Variants in B3GALT4 observed in about 807,000 individuals in gnomAD.
B3GALT4 encodes the protein beta-1,3-galactosyltransferase 4, also known as UDP-Gal:betaGlcNAc beta 1,3-galactosyltransferase 4.
In B3GALT4, 1 loss-of-function variant was observed where a neutral mutation model predicts 1.6. The ratio of observed to expected loss-of-function variants is 0.64; its 90% CI spans 0.23 to 3.05. The LOEUF (loss-of-function observed/expected upper bound fraction) is 3.05. B3GALT4 is among the 30% of genes most tolerant of loss of function. The pLI is 0.21. For synonymous variants in B3GALT4, 259 were observed against 222.6 expected (o/e 1.16, Z -1.46); for missense variants, 441 against 486.9 (o/e 0.91, Z 0.89).
chr6:33,277,785 T>C lies in B3GALT4; in HGVS notation c.366T>C (p.Gly122=). 6.2e-7 allele frequency: 1 copy of C among 1,613,598 alleles called. No homozygotes were observed. The highest frequency in any genetic ancestry group is 8.5e-7 in the Non-Finnish European group (1 of 1,179,980). The change falls in exon 1 of 1, where the codon GGT becomes GGC. Residue 122 remains glycine, a synonymous_variant. Coordinates refer to ENST00000451237, the MANE Select transcript of B3GALT4 (RefSeq NM_003782.4). This position sits in a 1 kb window ranked among gnomAD's most constrained non-coding sequence, Gnocchi z 5.3. ...GEPNAQHPVW[G]SQGSDLASES... ...CGAACGCACAGCACCCCGTGTGGGG[T>C]TCCCAGGGGAGTGACCTGGCCTCGG...
chr6:33,277,749 G>A lies in B3GALT4; in HGVS notation c.330G>A (p.Leu110=). 6.2e-7 allele frequency: 1 copy of A among 1,613,728 alleles called. No individual in the cohort carries two copies. The highest frequency in any genetic ancestry group is 8.5e-7 in the Non-Finnish European group (1 of 1,179,998). The change falls in exon 1 of 1, where the codon TTG becomes TTA. Residue 110 remains leucine, a synonymous_variant. Coordinates refer to ENST00000451237, the MANE Select transcript of B3GALT4 (RefSeq NM_003782.4). The surrounding 1 kb of genome is among the most constrained non-coding windows in gnomAD (Gnocchi z 5.3). The part of the protein sequence containing the change: ...ARGLRVQTLF[L]LGEPNAQHPV... ...GGCTCAGGGTACAGACGCTATTCTT[G>A]CTGGGAGAGCCGAACGCACAGCACC... is the stretch of plus-strand genomic sequence containing the variant.
chr6:33,277,183 G>A lies in B3GALT4; in HGVS notation c.-237G>A. On this transcript the variant is annotated 5_prime_UTR_variant, in exon 1 of 1. Coordinates refer to ENST00000451237, the MANE Select transcript of B3GALT4 (RefSeq NM_003782.4). The surrounding 1 kb of genome is among the most constrained non-coding windows in gnomAD (Gnocchi z 5.3). ...TGAGTGCCGCAGTCGGCCAGCCATG[G>A]AGCGGAGCTTGCTGGCGGCGAGGCC... 5.1e-6 allele frequency: 3 copies of A among 582,722 alleles called. No individual in the cohort carries two copies. Among genetic ancestry groups the A allele is most frequent in the East Asian group, 7.0e-5 (2 of 28,602 alleles). The allele number at this position is 582,722 out of a possible 1,614,324, so 36.1% of individuals were successfully genotyped here.
Position 33,278,818 on chromosome 6 carries a change from T to TCCAC in B3GALT4, c.*263_*266dup, listed in dbSNP as rs1765858866. The TCCAC allele has an allele frequency of 1.8e-6, 1 of 554,930 alleles. No homozygotes were observed. Among genetic ancestry groups the TCCAC allele is most frequent in the African/African-American group, 2.0e-5 (1 of 51,158 alleles). The allele number at this position is 554,930 out of a possible 1,614,324, so 34.4% of individuals were successfully genotyped here. ...TGTCAAGCTCCTCAATAAACTTGTC[T>TCCAC]CCACTTCTTCGAGTGCAGTGTGGTC... On this transcript the variant is annotated 3_prime_UTR_variant, in exon 1 of 1. Transcript: ENST00000451237. The surrounding 1 kb of genome is among the most constrained non-coding windows in gnomAD (Gnocchi z 5.2).
In B3GALT4 at chr6:33,278,024, G is replaced by C; in HGVS notation, c.605G>C (p.Ser202Thr). 6.2e-7 allele frequency: 1 copy of C among 1,614,096 alleles called. No homozygotes were observed. Among genetic ancestry groups the C allele is most frequent in the Non-Finnish European group, 8.5e-7 (1 of 1,179,968 alleles). Residue 202 changes from serine to threonine, a missense_variant, in exon 1 of 1, where the codon AGC (serine) becomes ACC (threonine). Transcript: ENST00000451237. This position sits in a 1 kb window ranked among gnomAD's most constrained non-coding sequence, Gnocchi z 5.2. Reference protein sequence around the residue: ...RGGRWGQWERSTEPQREAEQE... With the variant: ...RGGRWGQWERTTEPQREAEQE... ...GGCCGTTGGGGGCAATGGGAGAGAA[G>C]CACGGAACCCCAGAGAGAGGCTGAG...
chr6:33,278,818 T>C lies in B3GALT4; in HGVS notation c.*262T>C. 1.8e-6 allele frequency: 1 copy of C among 555,054 alleles called. No homozygotes were observed. Among genetic ancestry groups the C allele is most frequent in the Non-Finnish European group, 3.0e-6 (1 of 336,798 alleles). The allele number at this position is 555,054 out of a possible 1,614,324, so 34.4% of individuals were successfully genotyped here. On this transcript the variant is annotated 3_prime_UTR_variant, in exon 1 of 1. Coordinates refer to ENST00000451237, the MANE Select transcript of B3GALT4 (RefSeq NM_003782.4). The surrounding 1 kb of genome is among the most constrained non-coding windows in gnomAD (Gnocchi z 5.2). Reference sequence around the variant, plus strand: ...TGTCAAGCTCCTCAATAAACTTGTCTCCACTTCTTCGAGTGCAGTGTGGTC... The same window carrying C: ...TGTCAAGCTCCTCAATAAACTTGTCCCCACTTCTTCGAGTGCAGTGTGGTC...
At position 33,278,226 on chromosome 6, in the gene B3GALT4, GTC is replaced by G; in HGVS notation, c.808_809del (p.Ala271ValfsTer79). On this transcript the variant is annotated frameshift_variant, in exon 1 of 1. Coordinates refer to ENST00000451237, the MANE Select transcript of B3GALT4 (RefSeq NM_003782.4). LOFTEE classifies it low-confidence loss of function (END_TRUNC). The surrounding 1 kb of genome is among the most constrained non-coding windows in gnomAD (Gnocchi z 5.2). ...ATGCCTCAGGCACGGGGTATGTGCT[GTC>G]AGCGTCTGCTGTGCAGCTCATTCTC... ...PYASGTGYVL[S>X]ASAVQLILKV... 6.2e-7 allele frequency: 1 copy of G among 1,612,404 alleles called. No individual in the cohort carries two copies. The highest frequency in any genetic ancestry group is 8.5e-7 in the Non-Finnish European group (1 of 1,180,012).
rs752226336 is a variant in B3GALT4 at position 33,278,226 on chromosome 6, G to A, written c.807G>A (p.Leu269=). 15 of 1,612,286 alleles carry A rather than the reference G, an allele frequency of 9.3e-6. No homozygotes were observed. In the Admixed American group the frequency reaches 2.2e-4, roughly 23 times the overall value. The change falls in exon 1 of 1, where the codon CTG becomes CTA. Residue 269 remains leucine, a synonymous_variant. Coordinates refer to ENST00000451237, the MANE Select transcript of B3GALT4 (RefSeq NM_003782.4). The surrounding 1 kb of genome is among the most constrained non-coding windows in gnomAD (Gnocchi z 5.2). The part of the protein sequence containing the change: ...PPYASGTGYV[L]SASAVQLILK... Reference sequence around the variant, plus strand: ...ATGCCTCAGGCACGGGGTATGTGCTGTCAGCGTCTGCTGTGCAGCTCATTC... The same window carrying A: ...ATGCCTCAGGCACGGGGTATGTGCTATCAGCGTCTGCTGTGCAGCTCATTC...
rs981724603 is a variant in B3GALT4, at chr6:33,278,615, C to G, written c.*59C>G. The G allele has an allele frequency of 8.1e-5, 122 of 1,501,236 alleles. No homozygotes were observed. Among genetic ancestry groups the G allele is most frequent in the Non-Finnish European group, 1.0e-4 (115 of 1,125,074 alleles). The allele number at this position is 1,501,236 out of a possible 1,614,324, so 93.0% of individuals were successfully genotyped here. A position where few individuals can be genotyped will look rare whatever the true frequency, so the allele number is the denominator to read the frequency against. ...GACCTTCTCTCTCCCAGGCCCAACG[C>G]AGGGGCCCTCACTGGCTGCAGCTGA... On this transcript the variant is annotated 3_prime_UTR_variant, in exon 1 of 1. Coordinates refer to ENST00000451237, the MANE Select transcript of B3GALT4 (RefSeq NM_003782.4). This position sits in a 1 kb window ranked among gnomAD's most constrained non-coding sequence, Gnocchi z 5.2.
Position 33,277,619 on chromosome 6 carries a change from C to T in B3GALT4, c.200C>T (p.Pro67Leu). 6.2e-7 allele frequency: 1 copy of T among 1,613,280 alleles called. No individual in the cohort carries two copies. Residue 67 changes from proline to leucine, a missense_variant, in exon 1 of 1, where the codon CCC becomes CTC. Transcript: ENST00000451237. This position sits in a 1 kb window ranked among gnomAD's most constrained non-coding sequence, Gnocchi z 5.3. ...CCCAACCAGGAAGCTTGCAGTGGTC[C>T]CGGGGCCCCTCCCTTCCTGCTCATC... The part of the protein sequence containing the change: ...LIPNQEACSG[P>L]GAPPFLLILV...
Position 33,278,204 on chromosome 6 carries a change from C to T in B3GALT4, c.785C>T (p.Ala262Val). The T allele has an allele frequency of 6.2e-7, 1 of 1,612,256 alleles. No homozygotes were observed. Among genetic ancestry groups the T allele is most frequent in the Non-Finnish European group, 8.5e-7 (1 of 1,179,982 alleles). The change falls in exon 1 of 1, where the codon GCC becomes GTC. Residue 262 changes from alanine to valine, a missense_variant. Ala to Val is a moderately conservative substitution (Grantham distance 64). Coordinates refer to ENST00000451237, the MANE Select transcript of B3GALT4 (RefSeq NM_003782.4). The surrounding 1 kb of genome is among the most constrained non-coding windows in gnomAD (Gnocchi z 5.2). ...PHTWGPFPPY[A>V]SGTGYVLSAS... is the part of the protein sequence containing the mutation. ...ACCTGGGGCCCCTTTCCACCCTATG[C>T]CTCAGGCACGGGGTATGTGCTGTCA...
At position 33,277,570 on chromosome 6, in the gene B3GALT4, C is replaced by G. The variant is rs989841952; in HGVS notation, c.151C>G (p.Leu51Val). Residue 51 changes from leucine (L) to valine (V), a missense_variant, in exon 1 of 1, where the codon CTG becomes GTG. Transcript: ENST00000451237. The surrounding 1 kb of genome is among the most constrained non-coding windows in gnomAD (Gnocchi z 5.3). Reference protein sequence around the residue: ...LPAPASPGPPLALPRLLIPNQ... With the variant: ...LPAPASPGPPVALPRLLIPNQ... ...AGCCCCCGCCTCACCGGGGCCGCCC[C>G]TGGCCCTGCCCCGCCTCTTGATCCC... 5.0e-6 allele frequency: 8 copies of G among 1,612,022 alleles called. No individual in the cohort carries two copies. Among genetic ancestry groups the G allele is most frequent in the Non-Finnish European group, 6.8e-6 (8 of 1,179,310 alleles).
Position 33,277,740 on chromosome 6 carries a change from G to A in B3GALT4, c.321G>A (p.Thr107=), listed in dbSNP as rs769304853. The A allele has an allele frequency of 6.8e-6, 11 of 1,613,668 alleles. No individual in the cohort carries two copies. Among genetic ancestry groups the A allele is most frequent in the South Asian group, 2.2e-5 (2 of 91,092 alleles). ...LREARGLRVQ[T]LFLLGEPNAQ... ...AGGCCCGGGGGCTCAGGGTACAGACGCTATTCTTGCTGGGAGAGCCGAACG... is the reference window on the plus strand; with the variant it reads ...AGGCCCGGGGGCTCAGGGTACAGACACTATTCTTGCTGGGAGAGCCGAACG... The change falls in exon 1 of 1, where the codon ACG becomes ACA. Residue 107 remains threonine, a synonymous_variant. Transcript: ENST00000451237. The surrounding 1 kb of genome is among the most constrained non-coding windows in gnomAD (Gnocchi z 5.3).
chr6:33,277,245 A>C lies in B3GALT4; in HGVS notation c.-175A>C, dbSNP rs1765705803. The C allele has an allele frequency of 3.4e-6, 4 of 1,188,898 alleles. No individual in the cohort carries two copies. The highest frequency in any genetic ancestry group is 4.5e-6 in the Non-Finnish European group (4 of 886,416). 73.6% of individuals were successfully genotyped at this position (1,188,898 alleles called of 1,614,324 possible). ...GTAGCCACCCCCGCAGCATGCCTCG[A>C]CCGCGGTCCGCAGCTGCACCGCCTC... On this transcript the variant is annotated 5_prime_UTR_variant, in exon 1 of 1. Coordinates refer to ENST00000451237, the MANE Select transcript of B3GALT4 (RefSeq NM_003782.4). The surrounding 1 kb of genome is among the most constrained non-coding windows in gnomAD (Gnocchi z 5.3).
At position 33,277,743 on chromosome 6, in the gene B3GALT4, A is replaced by G. The variant is rs775144000; in HGVS notation, c.324A>G (p.Leu108=). Residue 108 remains leucine (L), a synonymous_variant, in exon 1 of 1, where the codon CTA becomes CTG. Transcript: ENST00000451237. This position sits in a 1 kb window ranked among gnomAD's most constrained non-coding sequence, Gnocchi z 5.3. Reference sequence around the variant, plus strand: ...CCCGGGGGCTCAGGGTACAGACGCTATTCTTGCTGGGAGAGCCGAACGCAC... The same window carrying G: ...CCCGGGGGCTCAGGGTACAGACGCTGTTCTTGCTGGGAGAGCCGAACGCAC... ...REARGLRVQT[L]FLLGEPNAQH... 32 of 1,613,570 alleles carry G rather than the reference A, an allele frequency of 2.0e-5. No homozygotes were observed. Among genetic ancestry groups the G allele is most frequent in the African/African-American group, 2.7e-5 (2 of 74,896 alleles).
rs781302358 is a variant in B3GALT4 at position 33,277,452 on chromosome 6, C to A, written c.33C>A (p.Leu11=). The change falls in exon 1 of 1, where the codon CTC becomes CTA. Residue 11 remains leucine, a synonymous_variant. Transcript: ENST00000451237. The surrounding 1 kb of genome is among the most constrained non-coding windows in gnomAD (Gnocchi z 5.3). ...TCAGGCTCTTCCGGCGCCTCCTTCTCGCCGCTTTGCTGCTGGTGATCGTCT... is the reference window on the plus strand; with the variant it reads ...TCAGGCTCTTCCGGCGCCTCCTTCTAGCCGCTTTGCTGCTGGTGATCGTCT... MQLRLFRRLL[L]AALLLVIVWT... 1 of 1,612,506 alleles carries A rather than the reference C, an allele frequency of 6.2e-7. No individual in the cohort carries two copies. Among genetic ancestry groups the A allele is most frequent in the South Asian group, 1.1e-5 (1 of 91,052 alleles).
At position 33,277,391 on chromosome 6, in the gene B3GALT4, T is replaced by C. The variant is rs763342992; in HGVS notation, c.-29T>C. On this transcript the variant is annotated 5_prime_UTR_variant, in exon 1 of 1. Coordinates refer to ENST00000451237, the MANE Select transcript of B3GALT4 (RefSeq NM_003782.4). The surrounding 1 kb of genome is among the most constrained non-coding windows in gnomAD (Gnocchi z 5.3). The stretch of plus-strand genomic sequence containing the variant: ...GGGAGCTAGTCTCCGCCCTTCGCTC[T>C]TACGGATCCCCTCGGAGTACGCCGC... 1.6e-5 allele frequency: 26 copies of C among 1,600,894 alleles called. No homozygotes were observed. Among genetic ancestry groups the C allele is most frequent in the East Asian group, 2.2e-5 (1 of 44,818 alleles).
chr6:33,277,195 C>G lies in B3GALT4; in HGVS notation c.-225C>G, dbSNP rs534141330. ...TCGGCCAGCCATGGAGCGGAGCTTG[C>G]TGGCGGCGAGGCCGCGGCGACAAGG... On this transcript the variant is annotated 5_prime_UTR_variant, in exon 1 of 1. Coordinates refer to ENST00000451237, the MANE Select transcript of B3GALT4 (RefSeq NM_003782.4). The surrounding 1 kb of genome is among the most constrained non-coding windows in gnomAD (Gnocchi z 5.3). 1.2e-5 allele frequency: 8 copies of G among 646,022 alleles called. No individual in the cohort carries two copies. In the South Asian group the frequency reaches 2.0e-4, roughly 17 times the overall value. The allele number at this position is 646,022 out of a possible 1,614,324, so 40.0% of individuals were successfully genotyped here. A position where few individuals can be genotyped will look rare whatever the true frequency, so the allele number is the denominator to read the frequency against.
In B3GALT4 at chr6:33,277,713, C is replaced by A. The variant is rs114674755; in HGVS notation, c.294C>A (p.Arg98=). ...NAIRASWGGL[R]EARGLRVQTL... is the part of the protein sequence containing the mutation. The stretch of plus-strand genomic sequence containing the variant: ...TTCGGGCTTCGTGGGGCGGGCTGCG[C>A]GAGGCCCGGGGGCTCAGGGTACAGA... The change falls in exon 1 of 1, where the codon CGC becomes CGA. Residue 98 remains arginine (R), a synonymous_variant. Transcript: ENST00000451237. The surrounding 1 kb of genome is among the most constrained non-coding windows in gnomAD (Gnocchi z 5.3). 2 of 1,613,886 alleles carry A rather than the reference C, an allele frequency of 1.2e-6. No homozygotes were observed. Among genetic ancestry groups the A allele is most frequent in the Non-Finnish European group, 1.7e-6 (2 of 1,180,028 alleles).
chr6:33,277,371 C>A lies in B3GALT4; in HGVS notation c.-49C>A. 6.3e-7 allele frequency: 1 copy of A among 1,580,062 alleles called. No individual in the cohort carries two copies. The highest frequency in any genetic ancestry group is 8.6e-7 in the Non-Finnish European group (1 of 1,167,478). ...CCGGCCGTGACCCAGGCCCGGGGAG[C>A]TAGTCTCCGCCCTTCGCTCTTACGG... On this transcript the variant is annotated 5_prime_UTR_variant, in exon 1 of 1. Coordinates refer to ENST00000451237, the MANE Select transcript of B3GALT4 (RefSeq NM_003782.4). This position sits in a 1 kb window ranked among gnomAD's most constrained non-coding sequence, Gnocchi z 5.3.
Sources: gnomAD v4.1 joint callset for allele counts on GRCh38, gnomAD v4.1.1 for gene constraint, Gnocchi (gnomAD v3.1) non-coding constraint, MANE v1.5 for transcripts, NCBI Gene and HGNC (gene_info 2026-07-23, HGNC 2026-07-21) for gene names.